Variants in TRIM71 observed in about 807,000 individuals in gnomAD.
TRIM71 encodes E3 ubiquitin-protein ligase TRIM71.
A neutral mutation model predicts 61.2 loss-of-function variants in TRIM71; 9 were observed. That is an observed-to-expected ratio of 0.15 (90% CI 0.09 to 0.26). The LOEUF (loss-of-function observed/expected upper bound fraction) is 0.26, where lower values mean the gene tolerates loss of function less well. Ranked by LOEUF, TRIM71 falls within the 10% of genes least tolerant of loss-of-function variation. TRIM71 has a pLI of 1.00. For synonymous variants in TRIM71, 645 were observed against 553.2 expected (o/e 1.17, Z -2.33); for missense variants, 998 against 1,238.7 (o/e 0.81, Z 2.92).
intron 3 of TRIM71, among the ~76,000 whole-genome samples, chr3:32,889,658 TACTC>T (rs1441233243): frequency 6.6e-6 from 1 of 151,382 alleles, no homozygotes; most frequent in Non-Finnish European, 1.5e-5. Context: ...GTGTGATCTC[TACTC>T]ACTGCAACCT....
intron 1 of TRIM71, among the ~76,000 whole-genome samples, chr3:32,822,175 G>T (rs1490485544): frequency 6.6e-6 from 1 of 152,142 alleles, no homozygotes; most frequent in Non-Finnish European, 1.5e-5. Flanking sequence ...ACCCAGGAAA[G>T]CCTCTGTCAC....
rs951742086 is a variant in TRIM71 at position 32,894,932 on chromosome 3, A to G, written c.*3121A>G. 1 of 152,188 alleles carries G rather than the reference A, an allele frequency of 6.6e-6. No homozygotes were observed. The highest frequency in any genetic ancestry group is 2.4e-5 in the African/African-American group (1 of 41,446). 9.4% of individuals were successfully genotyped at this position (152,188 alleles called of 1,614,324 possible). ...GAGAATAAAAAGGTTTCTGGGGAGT[A>G]AGTATGACAATTACTAGTCCCCATG... On this transcript the variant is annotated 3_prime_UTR_variant, in exon 4 of 4. Coordinates refer to ENST00000383763, the MANE Select transcript of TRIM71 (RefSeq NM_001039111.3).
chr3:32,844,285 G>A (rs910389094), intron 1 of TRIM71, among the ~76,000 whole-genome samples: 3 of 152,202 alleles, frequency 2.0e-5, no homozygotes, highest in East Asian at 3.8e-4. Context: ...TTGAGAAACA[G>A]ATTTAAATGT....
intron 1 of TRIM71, among the ~76,000 whole-genome samples, chr3:32,841,507 A>G (rs1696404910): frequency 6.6e-6 from 1 of 151,676 alleles, no homozygotes; most frequent in Non-Finnish European, 1.5e-5. Flanking sequence ...CCCTGTCTCT[A>G]CAAAAAAAAT....
At chr3:32,846,954 G>A (rs1405283565) in intron 1 of TRIM71, among the ~76,000 whole-genome samples, 1 of 151,878 alleles carries the variant, frequency 6.6e-6, no homozygotes, top group Non-Finnish European at 1.5e-5. Flanking sequence ...GAATATGAGA[G>A]GACAGATAGC....
chr3:32,855,346 G>GGT (rs1020090120), intron 1 of TRIM71, among the ~76,000 whole-genome samples: 3 of 152,012 alleles, frequency 2.0e-5, no homozygotes, highest in African/African-American at 7.2e-5. Flanking sequence ...TGTCTAGGGA[G>GGT]GTAGGTATGG....
In TRIM71 at chr3:32,863,194, C is replaced by CTTT. The variant is rs1559545534; in HGVS notation, c.853-10624_853-10623insTTT. 4.9e-3 allele frequency among the ~76,000 whole-genome samples: 571 copies of CTTT among 117,658 alleles called. 7 individuals carry two copies. The highest frequency in any genetic ancestry group is 0.018 in the African/African-American group (541 of 30,594). The allele number at this position is 117,658 out of a possible 152,430, so 77.2% of individuals were successfully genotyped here. A position where few individuals can be genotyped will look rare whatever the true frequency, so the allele number is the denominator to read the frequency against. On this transcript the variant is annotated intron_variant, in intron 1 of 3. Transcript: ENST00000383763. Reference sequence around the variant, plus strand: ...TTGGGAGGGAGGAGTATTAATTGAACCTTTTTTTTTTTTTTTTTTTTTTTT... The same window carrying CTTT: ...TTGGGAGGGAGGAGTATTAATTGAACTTTCTTTTTTTTTTTTTTTTTTTTTTTT...
intron 1 of TRIM71, among the ~76,000 whole-genome samples, chr3:32,869,416 T>G (rs1455069831): frequency 6.6e-6 from 1 of 152,252 alleles, no homozygotes; most frequent in African/African-American, 2.4e-5. Context: ...GCTTACATTC[T>G]TCACTGATAG....
intron 1 of TRIM71, among the ~76,000 whole-genome samples, chr3:32,856,618 C>T (rs1315608277): frequency 3.3e-5 from 5 of 152,334 alleles, no homozygotes; most frequent in South Asian, 4.1e-4. Context: ...CACTGGCCTC[C>T]TGCAGAGGAA....
chr3:32,818,022 T>TCTCCTCCTC lies in TRIM71; in HGVS notation c.-49_-41dup. On this transcript the variant is annotated 5_prime_UTR_variant, in exon 1 of 4. Coordinates refer to ENST00000383763, the MANE Select transcript of TRIM71 (RefSeq NM_001039111.3). ...ACTCCCCCACCCACCTCGTCCGCTC[T>TCTCCTCCTC]CTCCTCCTCCTCCTCCTCTTCCTCT... 6.5e-7 allele frequency: 1 copy of TCTCCTCCTC among 1,532,758 alleles called. No individual in the cohort carries two copies. The allele number at this position is 1,532,758 out of a possible 1,614,324, so 94.9% of individuals were successfully genotyped here.
chr3:32,829,020 C>G (rs913403124), intron 1 of TRIM71, among the ~76,000 whole-genome samples: 1 of 147,364 alleles, frequency 6.8e-6, no homozygotes, highest in Admixed American at 6.8e-5. Context: ...TTGACACGGA[C>G]TTTCCCTCTG....
Position 32,869,906 on chromosome 3 carries a change from C to T in TRIM71, c.853-3912C>T, listed in dbSNP as rs113498583. ...GAGGGGGCGTGTCTGTGCATCTGCC[C>T]GGGAAGCCCCAAACAGGCCCTGGAA... On this transcript the variant is annotated intron_variant, in intron 1 of 3. Coordinates refer to ENST00000383763, the MANE Select transcript of TRIM71 (RefSeq NM_001039111.3). 9.9e-3 allele frequency among the ~76,000 whole-genome samples: 1,509 copies of T among 152,272 alleles called. 32 individuals are homozygous for T. Among genetic ancestry groups the T allele is most frequent in the African/African-American group, 0.034 (1,405 of 41,552 alleles).
intron 3 of TRIM71, among the ~76,000 whole-genome samples, chr3:32,886,566 A>T (rs1435527321): frequency 6.6e-6 from 1 of 152,170 alleles, no homozygotes; most frequent in Non-Finnish European, 1.5e-5. Context: ...TAGAAAGACT[A>T]CTTGCCCCAC....
In TRIM71 at chr3:32,894,292, A is replaced by G. The variant is rs1575363413; in HGVS notation, c.*2481A>G. The G allele has an allele frequency of 6.6e-6, 1 of 152,190 alleles. No individual in the cohort carries two copies. Among genetic ancestry groups the G allele is most frequent in the South Asian group, 2.1e-4 (1 of 4,814 alleles). 9.4% of individuals were successfully genotyped at this position (152,190 alleles called of 1,614,324 possible). On this transcript the variant is annotated 3_prime_UTR_variant, in exon 4 of 4. Coordinates refer to ENST00000383763, the MANE Select transcript of TRIM71 (RefSeq NM_001039111.3). ...ATTTTCATTCTGCTCTTTTCTTTCTAATTTCCCCAGATGTAGGAAAATTTT... is the reference window on the plus strand; with the variant it reads ...ATTTTCATTCTGCTCTTTTCTTTCTGATTTCCCCAGATGTAGGAAAATTTT...
chr3:32,893,859 GAAA>G lies in TRIM71; in HGVS notation c.*2056_*2058del, dbSNP rs756848912. The G allele has an allele frequency of 3.4e-5, 5 of 147,446 alleles. No individual in the cohort carries two copies. The highest frequency in any genetic ancestry group is 6.0e-5 in the Non-Finnish European group (4 of 66,582). 9.1% of individuals were successfully genotyped at this position (147,446 alleles called of 1,614,324 possible). On this transcript the variant is annotated 3_prime_UTR_variant, in exon 4 of 4. Coordinates refer to ENST00000383763, the MANE Select transcript of TRIM71 (RefSeq NM_001039111.3). ...GTTTCTGAGTGACCAAAATGGGAAGGAAAAAAAAAACCTCATCTCACAGAGGAG... is the reference window on the plus strand; with the variant it reads ...GTTTCTGAGTGACCAAAATGGGAAGGAAAAAAACCTCATCTCACAGAGGAG...
At chr3:32,847,319 C>T (rs1309978994) in intron 1 of TRIM71, among the ~76,000 whole-genome samples, 1 of 152,004 alleles carries the variant, frequency 6.6e-6, no homozygotes, top group Non-Finnish European at 1.5e-5. Flanking sequence ...GCCTCCACCT[C>T]CCGAGTAGCT....
intron 1 of TRIM71, among the ~76,000 whole-genome samples, chr3:32,861,002 C>T (rs1696662525): frequency 6.6e-6 from 1 of 151,722 alleles, no homozygotes. Context: ...TGCTGAAACC[C>T]CATCTCTACT....
intron 1 of TRIM71, among the ~76,000 whole-genome samples, chr3:32,837,777 G>T (rs934079382): frequency 2.6e-5 from 4 of 151,960 alleles, no homozygotes; most frequent in Admixed American, 2.0e-4. Flanking sequence ...CTGCACTCCA[G>T]CCTGGGTGAC....
intron 1 of TRIM71, among the ~76,000 whole-genome samples, chr3:32,839,524 C>T (rs772254751): frequency 1.3e-5 from 2 of 152,092 alleles, no homozygotes; most frequent in East Asian, 1.9e-4. Context: ...CCACAGCCCC[C>T]GGAAGACGTG....
Sources: gnomAD v4.1 joint callset for allele counts (sites outside exome capture counted in the v4.1 genomes callset) on GRCh38, gnomAD v4.1.1 for gene constraint, MANE v1.5 for transcripts, NCBI Gene and HGNC (gene_info 2026-07-23, HGNC 2026-07-21) for gene names.